The following PRUNE2 variants were observed in gnomAD, a reference collection of about 807,000 sequenced individuals.
PRUNE2 encodes the protein prune homolog 2 with BCH domain.
In PRUNE2, 164 loss-of-function variants were observed where a neutral mutation model predicts 252.0. That is an observed-to-expected ratio of 0.65 (90% CI 0.57 to 0.74). PRUNE2 has a LOEUF of 0.74. PRUNE2 is among the 30% of genes least tolerant of loss of function. The probability of loss-of-function intolerance (pLI) is 0.00; values close to 1 mark genes in which losing one functional copy is unlikely to be tolerated. For missense variants in PRUNE2, 3,495 were observed against 3,711.0 expected (o/e 0.94, Z 1.51); for synonymous variants, 1,292 against 1,350.2 (o/e 0.96, Z 0.94).
At chr9:76,615,218 A>T in intron 18 of PRUNE2, 2 of 985,440 alleles carry the variant, frequency 2.0e-6, no homozygotes, top group Non-Finnish European at 2.4e-6. Context: ...TCTGCTTCTT[A>T]GTGAACACAG....
intron 6 of PRUNE2, among the ~76,000 whole-genome samples, chr9:76,803,079 C>G (rs1048061649): frequency 2.0e-5 from 3 of 152,176 alleles, no homozygotes; most frequent in African/African-American, 7.2e-5. Context: ...CTTCTGACAG[C>G]CTCAGATAGT....
chr9:76,838,645 CAAAAA>C (rs10540002), intron 4 of PRUNE2, among the ~76,000 whole-genome samples: 2 of 84,654 alleles, frequency 2.4e-5, no homozygotes, highest in African/African-American at 7.8e-5. Context: ...AACTCTGTCT[CAAAAA>C]AAAAAAAAAA....
chr9:76,664,148 T>C (rs1216024348), intron 9 of PRUNE2, among the ~76,000 whole-genome samples: 2 of 152,216 alleles, frequency 1.3e-5, no homozygotes, highest in Non-Finnish European at 2.9e-5. Flanking sequence ...TAAGGTGGAA[T>C]GGATGGTAGG....
intron 6 of PRUNE2, among the ~76,000 whole-genome samples, chr9:76,811,516 G>C (rs554513485): frequency 1.3e-5 from 2 of 152,292 alleles, no homozygotes; most frequent in South Asian, 2.1e-4. Flanking sequence ...AATGAAGATA[G>C]AGGTGCTGAA....
intron 9 of PRUNE2, among the ~76,000 whole-genome samples, chr9:76,666,233 G>A (rs2040132165): frequency 6.6e-6 from 1 of 152,134 alleles, no homozygotes; most frequent in South Asian, 2.1e-4. Flanking sequence ...CAGTGCCAAG[G>A]GAAAACACCC....
chr9:76,697,082 C>T (rs143868166), intron 9 of PRUNE2, among the ~76,000 whole-genome samples: 1 of 152,288 alleles, frequency 6.6e-6, no homozygotes, highest in Admixed American at 6.5e-5. Context: ...ACCCTGCTTT[C>T]GAAAGTCATG....
chr9:76,701,808 A>G (rs368896078), intron 9 of PRUNE2, among the ~76,000 whole-genome samples: 1 of 152,172 alleles, frequency 6.6e-6, no homozygotes, highest in African/African-American at 2.4e-5. Flanking sequence ...GTGAATGCCA[A>G]AGCTCCCCTG....
At chr9:76,616,682 A>G (rs905781052) in intron 18 of PRUNE2, among the ~76,000 whole-genome samples, 24 of 152,346 alleles carry the variant, frequency 1.6e-4, no homozygotes, top group African/African-American at 5.1e-4. Context: ...AGTTTATGAA[A>G]TAAATGAGAT....
At chr9:76,812,015 G>A (rs552319821) in intron 6 of PRUNE2, among the ~76,000 whole-genome samples, 2 of 152,300 alleles carry the variant, frequency 1.3e-5, no homozygotes, top group East Asian at 3.9e-4. Context: ...AAGGAAAGAG[G>A]GGAAGTGATC....
At position 76,905,782 on chromosome 9, in the gene PRUNE2, A is replaced by G; in HGVS notation, c.36+146T>C. The G allele has an allele frequency of 2.9e-6, 3 of 1,018,756 alleles. No homozygotes were observed. In the South Asian group the frequency reaches 4.0e-5, roughly 14 times the overall value. The allele number at this position is 1,018,756 out of a possible 1,614,324, so 63.1% of individuals were successfully genotyped here. A position where few individuals can be genotyped will look rare whatever the true frequency, so the allele number is the denominator to read the frequency against. On this transcript the variant is annotated intron_variant, in intron 1 of 18. Transcript: ENST00000376718. Reference sequence around the variant, plus strand: ...CCAGCTTTAAGAGCCAGAGTTCCTGAGATTTCTTCCAGGAGACAACCCGCA... The same window carrying G: ...CCAGCTTTAAGAGCCAGAGTTCCTGGGATTTCTTCCAGGAGACAACCCGCA...
intron 6 of PRUNE2, among the ~76,000 whole-genome samples, chr9:76,748,091 C>T (rs866314829): frequency 2.0e-5 from 3 of 152,064 alleles, no homozygotes; most frequent in East Asian, 1.9e-4. Flanking sequence ...CCAACGTGCC[C>T]GGCCCACTTC....
intron 1 of PRUNE2, among the ~76,000 whole-genome samples, chr9:76,904,272 T>C (rs757705016): frequency 6.6e-5 from 10 of 152,100 alleles, no homozygotes; most frequent in Non-Finnish European, 1.0e-4. Flanking sequence ...GCTCGTCTAA[T>C]GAAGGGTAAA....
chr9:76,740,558 G>A (rs2049525938), intron 6 of PRUNE2: 1 of 151,564 alleles, frequency 6.6e-6, no homozygotes, highest in Non-Finnish European at 1.5e-5. Flanking sequence ...GTATTAATAT[G>A]AACTCTACTA....
intron 1 of PRUNE2, among the ~76,000 whole-genome samples, chr9:76,896,142 A>G (rs368081895): frequency 6.6e-6 from 1 of 152,130 alleles, no homozygotes; most frequent in African/African-American, 2.4e-5. Context: ...ATCGTAAGTC[A>G]TCATCTATTA....
chr9:76,894,831 C>G (rs1362786053), intron 1 of PRUNE2, among the ~76,000 whole-genome samples: 1 of 151,910 alleles, frequency 6.6e-6, no homozygotes, highest in East Asian at 1.9e-4. Flanking sequence ...ATCAGCCTGT[C>G]CAACATGATG....
intron 6 of PRUNE2, among the ~76,000 whole-genome samples, chr9:76,781,813 T>A (rs992291436): frequency 1.3e-5 from 2 of 152,234 alleles, no homozygotes; most frequent in African/African-American, 4.8e-5. Flanking sequence ...TATTTCACCT[T>A]TCATCCTGCT....
chr9:76,869,297 T>A (rs575489344), intron 1 of PRUNE2: 2 of 152,310 alleles, frequency 1.3e-5, no homozygotes, highest in Admixed American at 6.5e-5. Context: ...TCCAGTACGG[T>A]GCAGGTATGC....
At chr9:76,865,488 T>C (rs2060782642) in intron 1 of PRUNE2, among the ~76,000 whole-genome samples, 1 of 152,128 alleles carries the variant, frequency 6.6e-6, no homozygotes, top group African/African-American at 2.4e-5. Context: ...TGGAGACTGG[T>C]TTTTACAGCT....
Position 76,710,852 on chromosome 9 carries a change from T to C in PRUNE2, c.1422A>G (p.Glu474=). 1 of 1,543,702 alleles carries C rather than the reference T, an allele frequency of 6.5e-7. No individual in the cohort carries two copies. Among genetic ancestry groups the C allele is most frequent in the Non-Finnish European group, 8.7e-7 (1 of 1,147,032 alleles). The part of the protein sequence containing the change: ...PGLDSYSPIP[E]GAVAEEHAWS... ...ATGCATGTTCCTCCGCCACCGCCCC[T>C]TCAGGGATGGGGCTGTAGGAGTCAA... Residue 474 remains glutamate (E), a synonymous_variant, in exon 8 of 19, where the codon GAA becomes GAG. Transcript: ENST00000376718.
Sources: gnomAD v4.1 joint callset for allele counts (sites outside exome capture counted in the v4.1 genomes callset) on GRCh38, gnomAD v4.1.1 for gene constraint, MANE v1.5 for transcripts, NCBI Gene and HGNC (gene_info 2026-07-23, HGNC 2026-07-21) for gene names.